CCBE1: variants seen among roughly 807,000 people sequenced by gnomAD.
The protein encoded by CCBE1 is collagen and calcium-binding EGF domain-containing protein 1.
A neutral mutation model predicts 50.0 loss-of-function variants in CCBE1; 37 were observed. The ratio of observed to expected loss-of-function variants is 0.74; its 90% confidence interval spans 0.57 to 0.97. CCBE1 has a LOEUF of 0.97. Ranked by LOEUF, CCBE1 falls within the 50% of genes least tolerant of loss-of-function variation. The pLI is 0.00. For missense variants in CCBE1, 538 were observed against 523.8 expected, an observed-to-expected ratio of 1.03 and a Z score of -0.26; for synonymous variants, 234 against 203.7, an observed-to-expected ratio of 1.15 and a Z score of -1.27.
At chr18:59,651,461 T>C (rs538883935) in intron 2 of CCBE1, among the ~76,000 whole-genome samples, 1 of 152,342 alleles carries the variant, frequency 6.6e-6, no homozygotes, top group East Asian at 1.9e-4. Flanking sequence ...TCAGTTTAGC[T>C]CCTTTTTCTG....
intron 2 of CCBE1, among the ~76,000 whole-genome samples, chr18:59,556,146 G>A (rs562144335): frequency 6.6e-5 from 10 of 152,122 alleles, no homozygotes; most frequent in South Asian, 4.1e-4. Flanking sequence ...GGTTCCTGCC[G>A]TGCATGACAC....
At chr18:59,541,417 A>C (rs376663865) in intron 2 of CCBE1, among the ~76,000 whole-genome samples, 5 of 152,312 alleles carry the variant, frequency 3.3e-5, no homozygotes, top group African/African-American at 1.2e-4. Context: ...GCCTTGTAAT[A>C]ATGAGGCAGA....
At position 59,589,432 on chromosome 18, in the gene CCBE1, C is replaced by T. The variant is rs79049566; in HGVS notation, c.212+107197G>A. On this transcript the variant is annotated intron_variant, in intron 2 of 10. Transcript: ENST00000439986. ...ATAGCACCACAAAAGACTATTTCAA[C>T]CAATATCACACGATAATATCGACGT... Among the ~76,000 whole-genome samples the T allele has an allele frequency of 1.7e-3, 255 of 152,252 alleles. 4 individuals carry two copies. In the East Asian group the frequency reaches 0.038, roughly 23 times the overall value.
intron 2 of CCBE1, among the ~76,000 whole-genome samples, chr18:59,616,682 A>C (rs1223029087): frequency 6.6e-6 from 1 of 152,160 alleles, no homozygotes; most frequent in Non-Finnish European, 1.5e-5. Flanking sequence ...TACACAAAAG[A>C]GTCTGTTAAG....
At chr18:59,494,116 A>T (rs532191112) in intron 2 of CCBE1, among the ~76,000 whole-genome samples, 1 of 152,234 alleles carries the variant, frequency 6.6e-6, no homozygotes, top group Non-Finnish European at 1.5e-5. Context: ...CACACAAGAC[A>T]GAGCAATACA....
intron 2 of CCBE1, among the ~76,000 whole-genome samples, chr18:59,544,297 G>A (rs1472407827): frequency 6.6e-6 from 1 of 152,040 alleles, no homozygotes; most frequent in Non-Finnish European, 1.5e-5. Context: ...GAACCATAAA[G>A]CAAAATAGAA....
intron 5 of CCBE1, chr18:59,455,301 C>G (rs1195913363): frequency 5.2e-6 from 2 of 383,018 alleles, no homozygotes; most frequent in Admixed American, 7.3e-5. Context: ...GATTTATACT[C>G]CCCTTAAAGG....
At chr18:59,509,572 C>T (rs1323842736) in intron 2 of CCBE1, among the ~76,000 whole-genome samples, 1 of 152,150 alleles carries the variant, frequency 6.6e-6, no homozygotes, top group Non-Finnish European at 1.5e-5. Flanking sequence ...TGGTCCTTAA[C>T]CAGAAACCCT....
Position 59,579,640 on chromosome 18 carries a change from G to A in CCBE1, c.213-99402C>T, listed in dbSNP as rs547671535. On this transcript the variant is annotated intron_variant, in intron 2 of 10. Coordinates refer to ENST00000439986, the MANE Select transcript of CCBE1 (RefSeq NM_133459.4). ...CAACACACAATTCCAGAGGGCCCTC[G>A]GCGGTTCCTACATGCTCTATGGTGG... Among the ~76,000 whole-genome samples the A allele has an allele frequency of 4.6e-5, 7 of 152,208 alleles. No individual in the cohort carries two copies. In the East Asian group the frequency reaches 1.2e-3, roughly 25 times the overall value.
In CCBE1 at chr18:59,448,078, G is replaced by T. The variant is rs1313969139; in HGVS notation, c.680C>A (p.Ala227Asp). The change falls in exon 7 of 11, where the codon GCT (alanine) becomes GAT (aspartate). Residue 227 changes from alanine to aspartate, a missense_variant. Physicochemically the swap from Ala to Asp is moderately radical, Grantham distance 126. Transcript: ENST00000439986. ...ACCAGTGATATACTTGCCCAGGTCA[G>T]CTGCATTGTTGGGGAGCAGAGCAAT... ...QKIALLPNNA[A>D]DLGKYITGDK... The T allele has an allele frequency of 1.9e-6, 3 of 1,614,172 alleles. No individual in the cohort carries two copies. Among genetic ancestry groups the T allele is most frequent in the Middle Eastern group, 1.6e-4 (1 of 6,062 alleles).
chr18:59,529,910 A>AT (rs1250335541), intron 2 of CCBE1, among the ~76,000 whole-genome samples: 1 of 152,198 alleles, frequency 6.6e-6, no homozygotes, highest in African/African-American at 2.4e-5. Flanking sequence ...TCTTGAATGC[A>AT]TAGGGTCTTG....
chr18:59,449,839 C>T (rs1047918056), intron 6 of CCBE1, among the ~76,000 whole-genome samples: 3 of 152,170 alleles, frequency 2.0e-5, no homozygotes, highest in Non-Finnish European at 4.4e-5. Flanking sequence ...CTATTCCCCC[C>T]AGTCCTCTTT....
intron 2 of CCBE1, among the ~76,000 whole-genome samples, chr18:59,489,890 G>GA (rs1330400421): frequency 2.0e-5 from 3 of 149,534 alleles, no homozygotes; most frequent in African/African-American, 7.4e-5. Flanking sequence ...AAAACATAAG[G>GA]AAAAAATGTA....
chr18:59,438,280 C>T (rs1456482933), intron 9 of CCBE1, 134 bp from the exon 10 acceptor site: 2 of 814,366 alleles, frequency 2.5e-6, no homozygotes, highest in Non-Finnish European at 2.1e-6. Flanking sequence ...ATATGTAAAA[C>T]TGAGCTGGAC....
chr18:59,489,987 G>T (rs1249404084), intron 2 of CCBE1, among the ~76,000 whole-genome samples: 10 of 122,232 alleles, frequency 8.2e-5, no homozygotes, highest in East Asian at 4.9e-4. Context: ...CGCATAAGGA[G>T]TTTTTTTTTT....
At chr18:59,436,249 G>C in intron 10 of CCBE1, 108 bp from the exon 11 acceptor site, 7 of 972,566 alleles carry the variant, frequency 7.2e-6, no homozygotes, top group Non-Finnish European at 1.1e-5. Context: ...CAATAACTCT[G>C]TGCCCCAAAT....
rs865992982 is a variant in CCBE1, at chr18:59,583,702, T to C, written c.213-103464A>G. Reference sequence around the variant, plus strand: ...GTGTGCGCGCGCGCGCGCGCGCGCGTGTGTGTGTATGTCTGCGACTACTGA... The same window carrying C: ...GTGTGCGCGCGCGCGCGCGCGCGCGCGTGTGTGTATGTCTGCGACTACTGA... On this transcript the variant is annotated intron_variant, in intron 2 of 10. Coordinates refer to ENST00000439986, the MANE Select transcript of CCBE1 (RefSeq NM_133459.4). 5.6e-3 allele frequency among the ~76,000 whole-genome samples: 798 copies of C among 143,568 alleles called. 6 individuals carry two copies. Among genetic ancestry groups the C allele is most frequent in the Middle Eastern group, 0.011 (3 of 268 alleles). 94.2% of individuals were successfully genotyped at this position (143,568 alleles called of 152,430 possible).
intron 2 of CCBE1, among the ~76,000 whole-genome samples, chr18:59,534,212 C>G (rs141169401): frequency 1.3e-5 from 2 of 152,218 alleles, no homozygotes; most frequent in Admixed American, 6.5e-5. Context: ...TCCTAGAAGT[C>G]TACCGACCTC....
chr18:59,434,970 C>G lies in CCBE1; in HGVS notation c.*938G>C, dbSNP rs1032781139. ...GCCTGGATCATGGCACCTAATGGTACCTTCTGGGCACCTGCTCAGAACCAG... is the reference window on the plus strand; with the variant it reads ...GCCTGGATCATGGCACCTAATGGTAGCTTCTGGGCACCTGCTCAGAACCAG... On this transcript the variant is annotated 3_prime_UTR_variant, in exon 11 of 11. Coordinates refer to ENST00000439986, the MANE Select transcript of CCBE1 (RefSeq NM_133459.4). The G allele has an allele frequency of 6.6e-6, 1 of 152,212 alleles. No homozygotes were observed. The highest frequency in any genetic ancestry group is 1.5e-5 in the Non-Finnish European group (1 of 68,070). 9.4% of individuals were successfully genotyped at this position (152,212 alleles called of 1,614,324 possible). A position where few individuals can be genotyped will look rare whatever the true frequency, so the allele number is the denominator to read the frequency against.
Sources: allele counts gnomAD v4.1 joint callset (sites outside exome capture counted in the v4.1 genomes callset), GRCh38; gene constraint gnomAD v4.1.1; transcripts MANE v1.5; gene names NCBI Gene and HGNC (gene_info 2026-07-23, HGNC 2026-07-21).